LCA5L: variants seen among roughly 807,000 people sequenced by gnomAD.
LCA5L encodes lebercilin-like protein.
Under a neutral mutation model 45.4 loss-of-function variants are expected in LCA5L, and 35 were observed. That is an observed-to-expected ratio of 0.77 (90% CI 0.59 to 1.02). LCA5L has a LOEUF of 1.02. Among genes scored for constraint, LCA5L ranks in the 50% least tolerant of loss-of-function variants. The pLI is 0.00. For missense variants in LCA5L, 668 were observed against 761.6 expected (o/e 0.88, Z 1.45); for synonymous variants, 233 against 264.7 (o/e 0.88, Z 1.16).
At chr21:39,441,753 C>G (rs1328970609) in intron 2 of LCA5L, among the ~76,000 whole-genome samples, 1 of 152,182 alleles carries the variant, frequency 6.6e-6, no homozygotes, top group Admixed American at 6.5e-5. Flanking sequence ...AATCTTTACA[C>G]AAGTACCCGT....
chr21:39,441,100 C>T (rs117427643), intron 2 of LCA5L, among the ~76,000 whole-genome samples: 1 of 152,118 alleles, frequency 6.6e-6, no homozygotes, highest in East Asian at 1.9e-4. Context: ...CTTTGGGAGG[C>T]TGAGGTGGGC....
intron 7 of LCA5L, chr21:39,414,121 G>A (rs1311733455): frequency 1.3e-5 from 2 of 152,246 alleles, no homozygotes; most frequent in Non-Finnish European, 2.9e-5. Context: ...CTAACCCGTG[G>A]CTGGGAGTGT....
At chr21:39,410,421 A>G (rs1984553612) in intron 8 of LCA5L, 54 bp from the exon 9 acceptor site, 1 of 926,038 alleles carries the variant, frequency 1.1e-6, no homozygotes, top group Admixed American at 2.4e-5. Flanking sequence ...TGGATACAAT[A>G]TTGATTTTAA....
intron 9 of LCA5L, 39 bp from the exon 10 acceptor site, chr21:39,410,135 G>T: frequency 1.4e-6 from 2 of 1,414,944 alleles, no homozygotes; most frequent in Non-Finnish European, 1.0e-6. Flanking sequence ...ATTTTGGGGG[G>T]TCTAGATAAC....
intron 7 of LCA5L, among the ~76,000 whole-genome samples, chr21:39,414,734 C>CTG (rs1446676855): frequency 1.6e-3 from 164 of 103,220 alleles, no homozygotes; most frequent in African/African-American, 5.5e-3. Context: ...CTCTCTCTCT[C>CTG]TCTCTCTCTG....
intron 10 of LCA5L, among the ~76,000 whole-genome samples, chr21:39,406,960 C>T (rs1012904966): frequency 7.9e-5 from 12 of 152,216 alleles, no homozygotes; most frequent in African/African-American, 2.9e-4. Flanking sequence ...GGTGCAGTGG[C>T]TCACACCTGT....
intron 7 of LCA5L, among the ~76,000 whole-genome samples, chr21:39,420,253 G>A (rs1431814502): frequency 1.3e-5 from 2 of 152,066 alleles, no homozygotes; most frequent in African/African-American, 4.8e-5. Context: ...CAGGTGCGGT[G>A]GCTCACACCT....
intron 5 of LCA5L, among the ~76,000 whole-genome samples, chr21:39,424,494 C>T (rs1429691535): frequency 3.3e-5 from 5 of 152,154 alleles, no homozygotes; most frequent in African/African-American, 1.2e-4. Flanking sequence ...AACAAACAAA[C>T]CAACCCCATG....
At position 39,410,275 on chromosome 21, in the gene LCA5L, A is replaced by C; in HGVS notation, c.1153T>G (p.Leu385Val). 6.2e-7 allele frequency: 1 copy of C among 1,603,276 alleles called. No individual in the cohort carries two copies. The highest frequency in any genetic ancestry group is 8.5e-7 in the Non-Finnish European group (1 of 1,173,752). ...QGTQKSDVPPLTTKGKKATGN... is the reference protein window; with the variant it reads ...QGTQKSDVPPVTTKGKKATGN... ...CAAATTTGCTGTACCTTAGTTGTCA[A>C]AGGTGGAACATCTGATTTTTGGGTT... The change falls in exon 9 of 11, where the codon TTG becomes GTG. Residue 385 changes from leucine (L) to valine (V), a missense_variant. Transcript: ENST00000288350.
At chr21:39,412,767 T>C (rs1420947579) in intron 7 of LCA5L, among the ~76,000 whole-genome samples, 1 of 152,150 alleles carries the variant, frequency 6.6e-6, no homozygotes, top group African/African-American at 2.4e-5. Flanking sequence ...CCAGGAAAAT[T>C]GCAAGCCCCT....
chr21:39,417,805 G>A (rs1050624306), intron 7 of LCA5L, among the ~76,000 whole-genome samples: 13 of 151,610 alleles, frequency 8.6e-5, no homozygotes, highest in African/African-American at 1.2e-4. Context: ...TCGCTCTGTC[G>A]CCCAGGCTGG....
intron 7 of LCA5L, among the ~76,000 whole-genome samples, chr21:39,419,152 CA>C (rs1307652147): frequency 1.3e-5 from 2 of 152,148 alleles, no homozygotes; most frequent in African/African-American, 4.8e-5. Flanking sequence ...CCCAACTCCT[CA>C]CCCCCCACTA....
chr21:39,436,224 T>C (rs1201029682), intron 2 of LCA5L: 1 of 152,168 alleles, frequency 6.6e-6, no homozygotes, highest in Non-Finnish European at 1.5e-5. Context: ...TTGTAAGCAC[T>C]GGATTGTATT....
chr21:39,444,042 A>AAAAAC (rs2077154189), intron 2 of LCA5L, 93 bp downstream of exon 2: 1 of 151,548 alleles, frequency 6.6e-6, no homozygotes, highest in Middle Eastern at 3.4e-3. Flanking sequence ...AAAAAAAAAA[A>AAAAAC]ACAACAAAAA....
At position 39,428,172 on chromosome 21, in the gene LCA5L, C is replaced by G; in HGVS notation, c.322G>C (p.Gly108Arg). ...YNVSKISQSKGQKEISVEKKH... is the reference protein window; with the variant it reads ...YNVSKISQSKRQKEISVEKKH... ...TTGCTTGGGAAATTTTACTCCTTAC[C>G]TTTAGATTGGGAGATTTTAGAAACA... The change falls in exon 5 of 11, where the codon GGC becomes CGC. Residue 108 changes from glycine to arginine, a missense_variant and splice_region_variant. By Grantham distance (125) the Gly-to-Arg change is moderately radical (BLOSUM62 -2). Transcript: ENST00000288350. 6.4e-7 allele frequency: 1 copy of G among 1,558,448 alleles called. No individual in the cohort carries two copies. Among genetic ancestry groups the G allele is most frequent in the Non-Finnish European group, 8.7e-7 (1 of 1,145,604 alleles).
intron 3 of LCA5L, among the ~76,000 whole-genome samples, chr21:39,432,847 G>C (rs2075884412): frequency 6.6e-6 from 1 of 152,180 alleles, no homozygotes; most frequent in Non-Finnish European, 1.5e-5. Context: ...ATCAATATCA[G>C]TAGTTCATTT....
rs1261972345 is a variant in LCA5L, at chr21:39,406,601, C to T, written c.1294G>A (p.Glu432Lys). ...ATTTGGACTTCCAAATGTTTCTCTT[C>T]CCCTGATAAATCTATATTAGAAAAA... ...SKRKYEDLSGEEKHLEVQILL... is the reference protein window; with the variant it reads ...SKRKYEDLSGKEKHLEVQILL... Residue 432 changes from glutamate to lysine, a missense_variant, in exon 11 of 11, where the codon GAA becomes AAA. Glu to Lys is a moderately conservative substitution (Grantham distance 56). Coordinates refer to ENST00000288350, the MANE Select transcript of LCA5L (RefSeq NM_152505.4). 6.3e-7 allele frequency: 1 copy of T among 1,577,156 alleles called. No homozygotes were observed. The highest frequency in any genetic ancestry group is 1.9e-5 in the Admixed American group (1 of 51,362).
Position 39,406,378 on chromosome 21 carries a change from A to ATG in LCA5L, c.1516_1517insCA (p.Leu506ProfsTer45). Reference sequence around the variant, plus strand: ...CGTGTAGGGAGCAGTGCCTTTGCCAAGTGTGTCATCCACACCATTTCTCTG... The same window carrying ATG: ...CGTGTAGGGAGCAGTGCCTTTGCCAATGGTGTGTCATCCACACCATTTCTCTG... On this transcript the variant is annotated frameshift_variant, in exon 11 of 11. Transcript: ENST00000288350. LOFTEE classifies it low-confidence loss of function (END_TRUNC). The ATG allele has an allele frequency of 6.2e-7, 1 of 1,613,592 alleles. No individual in the cohort carries two copies. Among genetic ancestry groups the ATG allele is most frequent in the South Asian group, 1.1e-5 (1 of 91,066 alleles).
At chr21:39,423,570 C>T in intron 5 of LCA5L, 80 bp from the exon 6 acceptor site, 1 of 1,220,566 alleles carries the variant, frequency 8.2e-7, no homozygotes, top group Non-Finnish European at 1.1e-6. Context: ...ATCTCTCTCC[C>T]ATGCCCCCAT....
Sources: allele counts gnomAD v4.1 joint callset (sites outside exome capture counted in the v4.1 genomes callset), GRCh38; gene constraint gnomAD v4.1.1; transcripts MANE v1.5; gene names NCBI Gene and HGNC (gene_info 2026-07-23, HGNC 2026-07-21).